The following MYO5A variants were observed in gnomAD, a reference collection of about 807,000 sequenced individuals.
The protein encoded by MYO5A is unconventional myosin-Va.
A neutral mutation model predicts 249.7 loss-of-function variants in MYO5A; 98 were observed. That is an observed-to-expected ratio of 0.39 (90% confidence interval 0.33 to 0.46). The LOEUF (loss-of-function observed/expected upper bound fraction) is 0.46. Ranked by LOEUF, MYO5A falls within the 20% of genes least tolerant of loss-of-function variation. The pLI is 0.98. For synonymous variants in MYO5A, 778 were observed against 810.6 expected (o/e 0.96, Z 0.68); for missense variants, 1,696 against 2,308.8 (o/e 0.73, Z 5.44).
chr15:52,395,368 T>C (rs1476682644), intron 11 of MYO5A, among the ~76,000 whole-genome samples: 1 of 152,238 alleles, frequency 6.6e-6, no homozygotes, highest in Non-Finnish European at 1.5e-5. Context: ...TCTTTAAACA[T>C]CTGGTTTGTG....
intron 6 of MYO5A, among the ~76,000 whole-genome samples, 177 bp from the exon 7 acceptor site, chr15:52,408,317 T>C (rs894620291): frequency 1.3e-5 from 2 of 152,194 alleles, no homozygotes; most frequent in African/African-American, 2.4e-5. Flanking sequence ...TCTATATGCA[T>C]ATGTATGAGT....
chr15:52,527,030 C>CA lies in MYO5A; in HGVS notation c.27+1749dup, dbSNP rs199940984. On this transcript the variant is annotated intron_variant, in intron 1 of 41. Transcript: ENST00000399233. ...AAATGATGAGCTAAAAAAAAAATTG[C>CA]AAAAAAAACACAACAACCCATGTTT... Among the ~76,000 whole-genome samples, 1,014 of 151,266 alleles carry CA rather than the reference C, an allele frequency of 6.7e-3. 16 individuals carry two copies. Among genetic ancestry groups the CA allele is most frequent in the African/African-American group, 0.023 (961 of 41,236 alleles).
intron 1 of MYO5A, among the ~76,000 whole-genome samples, chr15:52,438,840 G>A (rs1039046761): frequency 1.1e-4 from 16 of 151,822 alleles, no homozygotes; most frequent in Non-Finnish European, 1.9e-4. Context: ...GTTACGGCTC[G>A]AGCTGAGCTT....
chr15:52,416,205 A>G lies in MYO5A; in HGVS notation c.552T>C (p.Ser184=). The change falls in exon 5 of 42, where the codon AGT becomes AGC. Residue 184 remains serine, a synonymous_variant. Coordinates refer to ENST00000399233, the MANE Select transcript of MYO5A (RefSeq NM_001382347.1). ...KYAMRYFATV[S]GSASEANVEE... ...CCACATTGGCCTCACTGGCAGAACC[A>G]CTCACAGTTGCAAAGTATCGCATGG... The G allele has an allele frequency of 6.2e-7, 1 of 1,613,974 alleles. No homozygotes were observed. Among genetic ancestry groups the G allele is most frequent in the South Asian group, 1.1e-5 (1 of 91,066 alleles).
At chr15:52,445,004 C>T (rs370426204) in intron 1 of MYO5A, among the ~76,000 whole-genome samples, 1 of 152,188 alleles carries the variant, frequency 6.6e-6, no homozygotes, top group Non-Finnish European at 1.5e-5. Flanking sequence ...CCACTTATAA[C>T]AGGCAGCTCC....
At chr15:52,505,706 C>A in intron 1 of MYO5A, 2 of 1,309,898 alleles carry the variant, frequency 1.5e-6, no homozygotes, top group South Asian at 1.2e-5. Flanking sequence ...GTCTGGGACT[C>A]ATCTAAACTA....
intron 1 of MYO5A, among the ~76,000 whole-genome samples, chr15:52,493,657 G>C (rs769090288): frequency 6.6e-6 from 1 of 151,088 alleles, no homozygotes; most frequent in Non-Finnish European, 1.5e-5. Context: ...GCGAGACTCA[G>C]TCTCAAAAAA....
chr15:52,441,067 C>A (rs921451573), intron 1 of MYO5A, among the ~76,000 whole-genome samples: 7 of 152,168 alleles, frequency 4.6e-5, no homozygotes, highest in Admixed American at 1.3e-4. Context: ...ACCAGTACCC[C>A]CTCCTCTGAA....
intron 1 of MYO5A, among the ~76,000 whole-genome samples, chr15:52,501,920 C>T (rs1476914682): frequency 6.7e-6 from 1 of 149,836 alleles, no homozygotes; most frequent in Non-Finnish European, 1.5e-5. Context: ...CTGTATTTTA[C>T]TTTTCTCTAT....
intron 1 of MYO5A, among the ~76,000 whole-genome samples, chr15:52,519,287 A>G (rs1281980805): frequency 6.6e-6 from 1 of 152,232 alleles, no homozygotes; most frequent in Non-Finnish European, 1.5e-5. Context: ...ATCAGTAAGA[A>G]AGGTGACATA....
chr15:52,436,573 C>T (rs192230468), intron 1 of MYO5A, among the ~76,000 whole-genome samples: 76 of 152,358 alleles, frequency 5.0e-4, no homozygotes, highest in African/African-American at 1.8e-3. Flanking sequence ...TATTCACTAT[C>T]TGAAATCACC....
At position 52,370,315 on chromosome 15, in the gene MYO5A, T is replaced by G. The variant is rs1255104476; in HGVS notation, c.2920A>C (p.Ser974Arg). Residue 974 changes from serine (S) to arginine (R), a missense_variant, in exon 22 of 42, where the codon AGT becomes CGT. Physicochemically the swap from Ser to Arg is moderately radical, Grantham distance 110 (BLOSUM62 -1). Coordinates refer to ENST00000399233, the MANE Select transcript of MYO5A (RefSeq NM_001382347.1). ...LRSDLERLQL[S>R]EEEAKVATGR... ...GTGGCAACTTTCGCTTCCTCTTCAC[T>G]TAGTTGAAGACGTTCTAAGTCACTT... The G allele has an allele frequency of 6.2e-7, 1 of 1,614,152 alleles. No individual in the cohort carries two copies. The highest frequency in any genetic ancestry group is 1.1e-5 in the South Asian group (1 of 91,084).
rs140094428 is a variant in MYO5A at position 52,313,254 on chromosome 15, A to G, written c.*442T>C. ...ACTAAACTGACATGATATGTACTCA[A>G]TGGAGACTTTTCTTTCCATTCTCCT... is the stretch of plus-strand genomic sequence containing the variant. On this transcript the variant is annotated 3_prime_UTR_variant, in exon 42 of 42. Transcript: ENST00000399233. 389 of 199,320 alleles carry G rather than the reference A, an allele frequency of 2.0e-3. No homozygotes were observed. Among genetic ancestry groups the G allele is most frequent in the Admixed American group, 3.8e-3 (72 of 18,782 alleles). 12.3% of individuals were successfully genotyped at this position (199,320 alleles called of 1,614,324 possible).
Position 52,330,342 on chromosome 15 carries a change from A to C in MYO5A, c.4555+11T>G, listed in dbSNP as rs944480064. ...CAGAAGGAACTTTTATCCAATGCAG[A>C]AAATACTTGCCCAGAATCAGGTTCT... On this transcript the variant is annotated intron_variant, in intron 35 of 41. Coordinates refer to ENST00000399233, the MANE Select transcript of MYO5A (RefSeq NM_001382347.1). The C allele has an allele frequency of 6.2e-7, 1 of 1,614,090 alleles. No individual in the cohort carries two copies. Among genetic ancestry groups the C allele is most frequent in the African/African-American group, 1.3e-5 (1 of 75,032 alleles).
rs537638765 is a variant in MYO5A, at chr15:52,415,573, A to C, written c.612+572T>G. 1.4e-4 allele frequency among the ~76,000 whole-genome samples: 22 copies of C among 152,342 alleles called. No homozygotes were observed. In the South Asian group the frequency reaches 4.6e-3, roughly 32 times the overall value. On this transcript the variant is annotated intron_variant, in intron 5 of 41. Transcript: ENST00000399233. ...GTGTTATGTGCTTGACAGAACAACA[A>C]CAACAACAAAAAGCTTATAAAGATC...
At chr15:52,407,239 G>A in intron 8 of MYO5A, 53 bp downstream of exon 8, 1 of 1,261,816 alleles carries the variant, frequency 7.9e-7, no homozygotes, top group South Asian at 1.2e-5. Context: ...AACAAAGGTT[G>A]CTTGAGTAAA....
chr15:52,525,352 T>C (rs971492133), intron 1 of MYO5A, among the ~76,000 whole-genome samples: 3 of 152,218 alleles, frequency 2.0e-5, no homozygotes, highest in Non-Finnish European at 2.9e-5. Flanking sequence ...AAAATATTCG[T>C]TTCCAGACAA....
In MYO5A at chr15:52,396,412, A is replaced by G; in HGVS notation, c.1320-15T>C. On this transcript the variant is annotated splice_polypyrimidine_tract_variant and intron_variant, in intron 10 of 41. Transcript: ENST00000399233. ...ATGTTTCAAATCTGTAACCACAAAA[A>G]TAATATGAAAAGGGGAGAAAAGGAA... 1 of 1,449,588 alleles carries G rather than the reference A, an allele frequency of 6.9e-7. No homozygotes were observed. Among genetic ancestry groups the G allele is most frequent in the Non-Finnish European group, 9.7e-7 (1 of 1,036,040 alleles). 89.8% of individuals were successfully genotyped at this position (1,449,588 alleles called of 1,614,324 possible).
chr15:52,358,238 T>A (rs958781612), intron 25 of MYO5A, among the ~76,000 whole-genome samples: 3 of 152,194 alleles, frequency 2.0e-5, no homozygotes, highest in Admixed American at 1.3e-4. Flanking sequence ...TTATCATGGC[T>A]TCCCCCTACC....
Sources: allele counts gnomAD v4.1 joint callset (sites outside exome capture counted in the v4.1 genomes callset), GRCh38; gene constraint gnomAD v4.1.1; transcripts MANE v1.5; gene names NCBI Gene and HGNC (gene_info 2026-07-23, HGNC 2026-07-21).